Variants in PLEKHA8 observed in about 807,000 individuals in gnomAD.
The protein encoded by PLEKHA8 is pleckstrin homology domain containing A8, also known as pleckstrin homology domain-containing family A member 8.
Under a neutral mutation model 68.2 loss-of-function variants are expected in PLEKHA8, and 36 were observed. That is an observed-to-expected ratio of 0.53 (90% confidence interval 0.40 to 0.70). The LOEUF is 0.70. Ranked by LOEUF, PLEKHA8 falls within the 30% of genes least tolerant of loss-of-function variation. The pLI, the probability that PLEKHA8 is intolerant of heterozygous loss-of-function variation, is 0.00. For missense variants in PLEKHA8, 505 were observed against 615.4 expected, an observed-to-expected ratio of 0.82 and a Z score of 1.90; for synonymous variants, 211 against 216.1, an observed-to-expected ratio of 0.98 and a Z score of 0.20.
At chr7:30,116,093 C>T (rs531027703) in intron 13 of PLEKHA8, 3 of 150,034 alleles carry the variant, frequency 2.0e-5, no homozygotes, top group Admixed American at 6.6e-5. Flanking sequence ...CGCATACATA[C>T]GTATACATAC....
chr7:30,088,020 G>A (rs1288495108), downstream of PLEKHA8, among the ~76,000 whole-genome samples: 3 of 152,148 alleles, frequency 2.0e-5, no homozygotes, highest in Admixed American at 6.5e-5. Context: ...CTTGTCCGTC[G>A]TAGAATTCCA....
In PLEKHA8 at chr7:30,108,083, A is replaced by AAAAAAAAAAAAAAAAC. The variant is rs780069387; in HGVS notation, c.1363-21174_1363-21173insAAAAAACAAAAAAAAA. Among the ~76,000 whole-genome samples, 117 of 144,508 alleles carry AAAAAAAAAAAAAAAAC rather than the reference A, an allele frequency of 8.1e-4. 3 individuals carry two copies. The highest frequency in any genetic ancestry group is 1.6e-3 in the Non-Finnish European group (106 of 65,144). 94.8% of individuals were successfully genotyped at this position (144,508 alleles called of 152,430 possible). ...ACTCCATCTCAAAAAAAAAAAAAAA[A>AAAAAAAAAAAAAAAAC]AAAAAAAAACCTACATTCATTGACA... On this transcript the variant is annotated intron_variant, in intron 13 of 13. Coordinates refer to the PLEKHA8 transcript ENST00000396257.
chr7:30,062,379 G>C (rs1434146401), intron 11 of PLEKHA8, among the ~76,000 whole-genome samples: 2 of 152,110 alleles, frequency 1.3e-5, no homozygotes, highest in Non-Finnish European at 2.9e-5. Context: ...CTCGGGTGGG[G>C]CCCCAGAATT....
intron 13 of PLEKHA8, among the ~76,000 whole-genome samples, chr7:30,104,158 A>T (rs947314591): frequency 6.6e-6 from 1 of 152,242 alleles, no homozygotes; most frequent in Non-Finnish European, 1.5e-5. Context: ...AGATAGCACT[A>T]TACATCCACT....
chr7:30,081,875 T>G lies in PLEKHA8; in HGVS notation c.*3088T>G. Reference sequence around the variant, plus strand: ...TTTGTAGGGATCAGGGTGTATTTGTTGAATTAAACAAAATATTTTCAATGA... The same window carrying G: ...TTTGTAGGGATCAGGGTGTATTTGTGGAATTAAACAAAATATTTTCAATGA... On this transcript the variant is annotated 3_prime_UTR_variant, in exon 14 of 14. Transcript: ENST00000449726. 1 of 985,102 alleles carries G rather than the reference T, an allele frequency of 1.0e-6. No homozygotes were observed. The highest frequency in any genetic ancestry group is 1.2e-6 in the Non-Finnish European group (1 of 829,620). The allele number at this position is 985,102 out of a possible 1,614,324, so 61.0% of individuals were successfully genotyped here. A position where few individuals can be genotyped will look rare whatever the true frequency, so the allele number is the denominator to read the frequency against.
chr7:30,111,773 C>T (rs1285369119), intron 13 of PLEKHA8, among the ~76,000 whole-genome samples: 2 of 152,060 alleles, frequency 1.3e-5, no homozygotes, highest in Non-Finnish European at 2.9e-5. Context: ...GTGCATGCCA[C>T]CACACCCAGC....
Position 30,080,450 on chromosome 7 carries a change from T to C in PLEKHA8, c.*1663T>C, listed in dbSNP as rs1179291438. 9 of 985,232 alleles carry C rather than the reference T, an allele frequency of 9.1e-6. No homozygotes were observed. Among genetic ancestry groups the C allele is most frequent in the Non-Finnish European group, 1.1e-5 (9 of 829,912 alleles). 61.0% of individuals were successfully genotyped at this position (985,232 alleles called of 1,614,324 possible). On this transcript the variant is annotated 3_prime_UTR_variant, in exon 14 of 14. Coordinates refer to ENST00000449726, the MANE Select transcript of PLEKHA8 (RefSeq NM_001197026.2). ...TTGAATTGAGAGCATCATCTCTAGATGATGCTGTTCCTGCTGCAGATCTCT... is the reference window on the plus strand; with the variant it reads ...TTGAATTGAGAGCATCATCTCTAGACGATGCTGTTCCTGCTGCAGATCTCT...
downstream of PLEKHA8, among the ~76,000 whole-genome samples, chr7:30,091,950 C>A (rs1332272009): frequency 1.3e-5 from 2 of 152,168 alleles, no homozygotes; most frequent in Non-Finnish European, 2.9e-5. Flanking sequence ...AAACTTTATT[C>A]CACACACGTT....
chr7:30,078,797 G>T lies in PLEKHA8; in HGVS notation c.*10G>T. On this transcript the variant is annotated 3_prime_UTR_variant, in exon 14 of 14. Coordinates refer to ENST00000449726, the MANE Select transcript of PLEKHA8 (RefSeq NM_001197026.2). ...TGATGAGGTGGTATGATGGCTGCTG[G>T]GCAGCACCTCCTAACTTCAGGGAAT... 6.2e-7 allele frequency: 1 copy of T among 1,610,776 alleles called. No homozygotes were observed. The highest frequency in any genetic ancestry group is 8.5e-7 in the Non-Finnish European group (1 of 1,178,318).
At chr7:30,056,957 A>C (rs890921470) in intron 9 of PLEKHA8, among the ~76,000 whole-genome samples, 1 of 148,150 alleles carries the variant, frequency 6.7e-6, no homozygotes, top group African/African-American at 2.5e-5. Flanking sequence ...ATATATAAAA[A>C]AGTTTATTTA....
At position 30,081,238 on chromosome 7, in the gene PLEKHA8, A is replaced by G. The variant is rs1233690828; in HGVS notation, c.*2451A>G. The stretch of plus-strand genomic sequence containing the variant: ...AATTACCCTTTTTCCACATCTGTAG[A>G]AAGAGGGTAATATTTTTTAATAGGT... On this transcript the variant is annotated 3_prime_UTR_variant, in exon 14 of 14. Coordinates refer to ENST00000449726, the MANE Select transcript of PLEKHA8 (RefSeq NM_001197026.2). The G allele has an allele frequency of 2.0e-6, 2 of 985,412 alleles. No homozygotes were observed. The highest frequency in any genetic ancestry group is 9.4e-5 in the South Asian group (2 of 21,292). The allele number at this position is 985,412 out of a possible 1,614,324, so 61.0% of individuals were successfully genotyped here.
intron 13 of PLEKHA8, among the ~76,000 whole-genome samples, chr7:30,106,304 C>G (rs1179135510): frequency 1.3e-5 from 2 of 152,174 alleles, no homozygotes; most frequent in Non-Finnish European, 2.9e-5. Flanking sequence ...CTCAAATGAT[C>G]TGTCTGCCTT....
chr7:30,075,483 C>T (rs1037035478), intron 13 of PLEKHA8, among the ~76,000 whole-genome samples: 3 of 152,080 alleles, frequency 2.0e-5, no homozygotes, highest in Non-Finnish European at 1.5e-5. Context: ...AATTCCAGTC[C>T]CCAAGTACCA....
At chr7:30,107,250 T>C (rs1288017213) in intron 13 of PLEKHA8, among the ~76,000 whole-genome samples, 1 of 152,122 alleles carries the variant, frequency 6.6e-6, no homozygotes, top group Non-Finnish European at 1.5e-5. Flanking sequence ...GGAATAAATT[T>C]ACAATTTTAT....
At chr7:30,094,032 A>G (rs1795512298), downstream of PLEKHA8, among the ~76,000 whole-genome samples, 2 of 152,236 alleles carry the variant, frequency 1.3e-5, no homozygotes, top group Admixed American at 6.5e-5. Flanking sequence ...CATGGCTAGT[A>G]CTAGTTAAGT....
chr7:30,111,264 GATTTTCAAAT>G (rs929797305), intron 13 of PLEKHA8, among the ~76,000 whole-genome samples: 29 of 151,898 alleles, frequency 1.9e-4, no homozygotes, highest in African/African-American at 6.5e-4. Context: ...TCATGTATAT[GATTTTCAAAT>G]ATTTTCAAAT....
chr7:30,112,379 C>G (rs1796301063), intron 13 of PLEKHA8, among the ~76,000 whole-genome samples: 1 of 150,824 alleles, frequency 6.6e-6, no homozygotes, highest in African/African-American at 2.4e-5. Flanking sequence ...AAAGATAACT[C>G]CTTAAAAAAA....
At chr7:30,056,286 C>T (rs1174040383) in intron 9 of PLEKHA8, among the ~76,000 whole-genome samples, 5 of 71,248 alleles carry the variant, frequency 7.0e-5, no homozygotes, top group Middle Eastern at 6.9e-3. Flanking sequence ...TATTCTCTCT[C>T]TCTCTCTCTC....
chr7:30,028,500 C>T lies in PLEKHA8; in HGVS notation c.-263C>T, dbSNP rs1790376654. On this transcript the variant is annotated 5_prime_UTR_variant, in exon 1 of 14. Coordinates refer to ENST00000449726, the MANE Select transcript of PLEKHA8 (RefSeq NM_001197026.2). ...CCCTCCGACCCACGTAGGGCCCGGA[C>T]CCGGGCCTCCTTGTGAACAGCGTGC... 5.6e-6 allele frequency: 2 copies of T among 357,200 alleles called. No individual in the cohort carries two copies. The highest frequency in any genetic ancestry group is 1.0e-5 in the Non-Finnish European group (2 of 199,676). 22.1% of individuals were successfully genotyped at this position (357,200 alleles called of 1,614,324 possible).
Sources: allele counts gnomAD v4.1 joint callset (sites outside exome capture counted in the v4.1 genomes callset), GRCh38; gene constraint gnomAD v4.1.1; transcripts MANE v1.5; gene names NCBI Gene and HGNC (gene_info 2026-07-23, HGNC 2026-07-21).